The following TAFA5 variants were observed in gnomAD, a reference collection of about 807,000 sequenced individuals.
TAFA5 encodes the protein chemokine-like protein TAFA-5.
Under a neutral mutation model 15.3 loss-of-function variants are expected in TAFA5, and 6 were observed. The observed-to-expected ratio is 0.39, with a 90% confidence interval of 0.21 to 0.77. TAFA5 has a LOEUF of 0.77. Ranked by LOEUF, TAFA5 falls within the 30% of genes least tolerant of loss-of-function variation. TAFA5 has a pLI of 0.41. For missense variants in TAFA5, 161 were observed against 193.1 expected, an observed-to-expected ratio of 0.83 and a Z score of 0.98; for synonymous variants, 103 against 80.7, an observed-to-expected ratio of 1.28 and a Z score of -1.48.
rs943940763 is a variant in TAFA5 at position 48,552,420 on chromosome 22, G to T, written c.112+62716G>T. ...AATCCCTCTGCTGATGTAGCTGCTG[G>T]CTGACTCTGTCAGCGCTGCCTGCTG... On this transcript the variant is annotated intron_variant, in intron 1 of 3. Coordinates refer to ENST00000402357, the MANE Select transcript of TAFA5 (RefSeq NM_001082967.3). The surrounding 1 kb of genome is among the most constrained non-coding windows in gnomAD (Gnocchi z 4.1). 4.1e-4 allele frequency among the ~76,000 whole-genome samples: 63 copies of T among 152,112 alleles called. 1 individual carries two copies. Among genetic ancestry groups the T allele is most frequent in the Admixed American group, 3.9e-4 (6 of 15,274 alleles).
At chr22:48,694,623 G>A (rs1928643983) in intron 2 of TAFA5, among the ~76,000 whole-genome samples, 1 of 152,070 alleles carries the variant, frequency 6.6e-6, no homozygotes, top group Admixed American at 6.5e-5. Flanking sequence ...AAGTCACCAA[G>A]CCTGTGGGTA....
intron 2 of TAFA5, among the ~76,000 whole-genome samples, chr22:48,684,496 C>T (rs1007583571): frequency 3.9e-5 from 6 of 152,160 alleles, no homozygotes; most frequent in African/African-American, 7.2e-5. Flanking sequence ...TTCCCGTTCA[C>T]GAGGCTGGAC....
intron 1 of TAFA5, among the ~76,000 whole-genome samples, chr22:48,629,999 T>G (rs1327636601): frequency 6.6e-6 from 1 of 152,144 alleles, no homozygotes; most frequent in Non-Finnish European, 1.5e-5. Context: ...GATCCCTGGG[T>G]CACCCTGTAA....
At chr22:48,717,534 C>A (rs1004736164) in intron 3 of TAFA5, among the ~76,000 whole-genome samples, 1 of 152,202 alleles carries the variant, frequency 6.6e-6, no homozygotes, top group African/African-American at 2.4e-5. Flanking sequence ...AGGGAAAAAA[C>A]GAAGATTTTT....
chr22:48,544,209 A>G (rs750371656), intron 1 of TAFA5: 18 of 180,096 alleles, frequency 1.0e-4, no homozygotes, highest in Non-Finnish European at 2.0e-4. Flanking sequence ...CATCTCCATG[A>G]CCCTAACTTC....
intron 1 of TAFA5, among the ~76,000 whole-genome samples, chr22:48,565,690 C>T (rs752287658): frequency 3.3e-5 from 5 of 152,234 alleles, no homozygotes; most frequent in East Asian, 1.9e-4. Flanking sequence ...TTGCACCCAC[C>T]GCAGCCCTGT....
At chr22:48,573,798 T>C (rs1025545493) in intron 1 of TAFA5, among the ~76,000 whole-genome samples, 4 of 152,342 alleles carry the variant, frequency 2.6e-5, no homozygotes, top group African/African-American at 9.6e-5. Context: ...TTCTTAAATA[T>C]TCCCTTGGTG....
intron 1 of TAFA5, among the ~76,000 whole-genome samples, chr22:48,522,747 G>T (rs960477870): frequency 2.0e-5 from 3 of 152,218 alleles, no homozygotes; most frequent in African/African-American, 7.2e-5. Flanking sequence ...GGTCACCTGG[G>T]CCTGTGGGTG....
chr22:48,596,016 G>A (rs553985685), intron 1 of TAFA5, among the ~76,000 whole-genome samples: 2 of 152,322 alleles, frequency 1.3e-5, no homozygotes, highest in Non-Finnish European at 2.9e-5. Context: ...CTTAACTTTT[G>A]TATTAAGAAA....
rs893503100 is a variant in TAFA5 at position 48,742,306 on chromosome 22, C to T, written c.391-7533C>T. Among the ~76,000 whole-genome samples the T allele has an allele frequency of 2.0e-5, 3 of 152,228 alleles. No individual in the cohort carries two copies. The highest frequency in any genetic ancestry group is 4.4e-5 in the Non-Finnish European group (3 of 68,036). ...CTGCCAGGTTCGGGAAAAGAACTGA[C>T]CCCCACGAGGATGGTCCTGGTGTTG... is the stretch of plus-strand genomic sequence containing the variant. On this transcript the variant is annotated intron_variant, in intron 3 of 3. Transcript: ENST00000402357. The surrounding 1 kb of genome is among the most constrained non-coding windows in gnomAD (Gnocchi z 6.2).
intron 2 of TAFA5, among the ~76,000 whole-genome samples, chr22:48,656,762 T>A (rs1159494616): frequency 0.03 from 648 of 21,712 alleles, 23 homozygotes; most frequent in African/African-American, 0.068. Context: ...TCTCTTTTTT[T>A]TTTTTTTTTT....
intron 1 of TAFA5, among the ~76,000 whole-genome samples, chr22:48,627,880 A>G (rs1926079878): frequency 6.6e-6 from 1 of 152,250 alleles, no homozygotes; most frequent in East Asian, 1.9e-4. Flanking sequence ...TCAGCAACAC[A>G]TGCCAGCAAG....
At chr22:48,620,439 A>G (rs1925759797) in intron 1 of TAFA5, among the ~76,000 whole-genome samples, 1 of 152,056 alleles carries the variant, frequency 6.6e-6, no homozygotes, top group Admixed American at 6.5e-5. Context: ...TGCTCATAAA[A>G]TTCAGGAGGC....
At chr22:48,582,485 CACACACCACACACAAAATACACT>C (rs1924095106) in intron 1 of TAFA5, among the ~76,000 whole-genome samples, 5 of 140,688 alleles carry the variant, frequency 3.6e-5, no homozygotes, top group African/African-American at 1.1e-4. Context: ...CAAAATACAC[CACACACCACACACAAAATACACT>C]ACACACAAAA....
At chr22:48,620,662 C>CTATCCACCCACCCACCATCCACCATCCT (rs1323518938) in intron 1 of TAFA5, among the ~76,000 whole-genome samples, 2 of 71,876 alleles carry the variant, frequency 2.8e-5, no homozygotes, top group African/African-American at 1.1e-4. Context: ...ATCCACCATC[C>CTATCCACCCACCCACCATCCACCATCCT]ATCCACCACC....
intron 1 of TAFA5, among the ~76,000 whole-genome samples, chr22:48,570,415 A>G (rs1239959634): frequency 6.6e-6 from 1 of 152,234 alleles, no homozygotes; most frequent in Non-Finnish European, 1.5e-5. Flanking sequence ...TGACAAAGGA[A>G]AGTTCCAAAT....
intron 1 of TAFA5, among the ~76,000 whole-genome samples, chr22:48,618,758 C>T (rs1319084590): frequency 6.6e-6 from 1 of 152,214 alleles, no homozygotes; most frequent in Admixed American, 6.5e-5. Context: ...CTTTCGTGGC[C>T]CATCTGGGAT....
At chr22:48,599,653 A>T (rs1924891736) in intron 1 of TAFA5, among the ~76,000 whole-genome samples, 1 of 152,260 alleles carries the variant, frequency 6.6e-6, no homozygotes, top group Admixed American at 6.5e-5. Context: ...TCCACTTCAC[A>T]GGCCCTGCCT....
intron 1 of TAFA5, among the ~76,000 whole-genome samples, chr22:48,572,556 T>C (rs1458778501): frequency 1.3e-5 from 2 of 152,228 alleles, no homozygotes; most frequent in Non-Finnish European, 1.5e-5. Flanking sequence ...TGCTCTGCCC[T>C]GGTTTTTTCT....
Sources: gnomAD v4.1 joint callset for allele counts (sites outside exome capture counted in the v4.1 genomes callset) on GRCh38, gnomAD v4.1.1 for gene constraint, Gnocchi (gnomAD v3.1) non-coding constraint, MANE v1.5 for transcripts, NCBI Gene and HGNC (gene_info 2026-07-23, HGNC 2026-07-21) for gene names.